Variants in NRG3 observed in about 807,000 individuals in gnomAD.
NRG3 encodes pro-neuregulin-3, membrane-bound isoform.
A neutral mutation model predicts 66.9 loss-of-function variants in NRG3; 31 were observed. The observed-to-expected ratio is 0.46, with a 90% CI of 0.35 to 0.63. The LOEUF (loss-of-function observed/expected upper bound fraction) is 0.63. Among genes scored for constraint, NRG3 ranks in the 20% least tolerant of loss-of-function variants. The probability of loss-of-function intolerance (pLI) is 0.00; values close to 1 mark genes in which losing one functional copy is unlikely to be tolerated. For synonymous variants in NRG3, 393 were observed against 359.4 expected, an observed-to-expected ratio of 1.09 and a Z score of -1.06; for missense variants, 910 against 878.9, an observed-to-expected ratio of 1.04 and a Z score of -0.45.
intron 3 of NRG3, among the ~76,000 whole-genome samples, chr10:82,827,491 C>T (rs1225018756): frequency 6.6e-6 from 1 of 151,980 alleles, no homozygotes; most frequent in Admixed American, 6.6e-5. Context: ...AGGAATAGCC[C>T]CAGGGAGAGG....
At chr10:82,517,612 T>A (rs1845781737) in intron 2 of NRG3, among the ~76,000 whole-genome samples, 1 of 126,246 alleles carries the variant, frequency 7.9e-6, no homozygotes, top group Non-Finnish European at 1.6e-5. Context: ...TCCTTGTCTC[T>A]CTCTCTCTCT....
intron 1 of NRG3, among the ~76,000 whole-genome samples, chr10:82,320,644 A>C (rs1489082245): frequency 6.6e-6 from 1 of 152,150 alleles, no homozygotes; most frequent in Non-Finnish European, 1.5e-5. Flanking sequence ...GGGTATGTAC[A>C]CTAGCCAGAA....
At chr10:82,895,486 C>CTTT (rs57655284) in intron 4 of NRG3, among the ~76,000 whole-genome samples, 24,244 of 128,090 alleles carry the variant, frequency 0.19, 3,205 homozygotes, top group East Asian at 0.49. Flanking sequence ...CAATAACATT[C>CTTT]TTTTTTTTTT....
rs1853426935 is a variant in NRG3, at chr10:82,986,268, A to G, written c.*663A>G. The G allele has an allele frequency of 6.6e-6, 1 of 152,184 alleles. No individual in the cohort carries two copies. Among genetic ancestry groups the G allele is most frequent in the Non-Finnish European group, 1.5e-5 (1 of 68,048 alleles). The allele number at this position is 152,184 out of a possible 1,614,324, so 9.4% of individuals were successfully genotyped here. A position where few individuals can be genotyped will look rare whatever the true frequency, so the allele number is the denominator to read the frequency against. ...AATTATTACAGAAAAAGAGACAAAA[A>G]AATCCTTATATCGTGTCACTAAAAT... On this transcript the variant is annotated 3_prime_UTR_variant, in exon 9 of 9. Transcript: ENST00000372141.
chr10:82,553,330 C>A (rs781571405), intron 2 of NRG3, among the ~76,000 whole-genome samples: 3 of 151,836 alleles, frequency 2.0e-5, no homozygotes, highest in Non-Finnish European at 4.4e-5. Context: ...GAGAACCGCA[C>A]CCCCCACACA....
At chr10:81,909,186 T>C (rs1202301129) in intron 1 of NRG3, among the ~76,000 whole-genome samples, 2 of 152,242 alleles carry the variant, frequency 1.3e-5, no homozygotes, top group Non-Finnish European at 1.5e-5. Context: ...CACCTCCTTC[T>C]TCACATAGTC....
chr10:82,814,953 C>T (rs1440356466), intron 3 of NRG3, among the ~76,000 whole-genome samples: 1 of 152,168 alleles, frequency 6.6e-6, no homozygotes, highest in African/African-American at 2.4e-5. Context: ...TTTGCATAGA[C>T]TTCTAGAGAT....
At chr10:82,138,176 G>T (rs2069504336) in intron 1 of NRG3, among the ~76,000 whole-genome samples, 1 of 151,914 alleles carries the variant, frequency 6.6e-6, no homozygotes, top group Admixed American at 6.6e-5. Context: ...ATGTGTATAT[G>T]TGTGTGTGTG....
chr10:82,367,980 G>A (rs1317945522), intron 2 of NRG3, among the ~76,000 whole-genome samples: 2 of 152,130 alleles, frequency 1.3e-5, no homozygotes, highest in African/African-American at 2.4e-5. Context: ...TCCAGCCTAG[G>A]TGACAGAGTG....
chr10:82,233,387 A>G (rs2076594459), intron 1 of NRG3, among the ~76,000 whole-genome samples: 1 of 152,146 alleles, frequency 6.6e-6, no homozygotes, highest in African/African-American at 2.4e-5. Context: ...AAACAAAACA[A>G]AAAAAGAATT....
At chr10:82,405,906 A>G (rs2087483176) in intron 2 of NRG3, among the ~76,000 whole-genome samples, 1 of 152,190 alleles carries the variant, frequency 6.6e-6, no homozygotes, top group African/African-American at 2.4e-5. Context: ...GATTTGCTTG[A>G]ATCATTTTTT....
At chr10:82,785,157 G>C (rs1349122292) in intron 3 of NRG3, among the ~76,000 whole-genome samples, 1 of 150,556 alleles carries the variant, frequency 6.6e-6, no homozygotes, top group Non-Finnish European at 1.5e-5. Flanking sequence ...TGAACAATGA[G>C]AGCACATGGA....
At chr10:81,961,653 G>C (rs1477819624) in intron 1 of NRG3, among the ~76,000 whole-genome samples, 1 of 152,224 alleles carries the variant, frequency 6.6e-6, no homozygotes, top group African/African-American at 2.4e-5. Flanking sequence ...CAGGATGCAG[G>C]AGACAATTGG....
intron 2 of NRG3, among the ~76,000 whole-genome samples, chr10:82,409,904 G>T (rs1002243805): frequency 5.9e-5 from 9 of 152,098 alleles, no homozygotes; most frequent in African/African-American, 2.2e-4. Flanking sequence ...TCTACATGTG[G>T]CTTTGTCAGC....
intron 2 of NRG3, among the ~76,000 whole-genome samples, chr10:82,488,662 G>T (rs938835668): frequency 1.2e-4 from 19 of 152,250 alleles, no homozygotes; most frequent in African/African-American, 4.3e-4. Context: ...GCCCTCAAAG[G>T]GGAAGCTGCC....
intron 2 of NRG3, among the ~76,000 whole-genome samples, chr10:82,505,442 C>T (rs1378172190): frequency 6.6e-6 from 1 of 152,176 alleles, no homozygotes; most frequent in Non-Finnish European, 1.5e-5. Flanking sequence ...CTGTACATGC[C>T]AGTGGACTGT....
chr10:82,961,196 C>A (rs888436040), intron 6 of NRG3, among the ~76,000 whole-genome samples: 2 of 151,994 alleles, frequency 1.3e-5, no homozygotes, highest in South Asian at 2.1e-4. Context: ...TAGGTATAAA[C>A]GTAATAAGGT....
At chr10:82,800,947 G>C (rs1282276416) in intron 3 of NRG3, among the ~76,000 whole-genome samples, 2 of 152,166 alleles carry the variant, frequency 1.3e-5, no homozygotes. Flanking sequence ...CCTAATTAAG[G>C]GGAAGAGATC....
At chr10:81,883,760 G>T (rs888296923) in intron 1 of NRG3, among the ~76,000 whole-genome samples, 2 of 152,104 alleles carry the variant, frequency 1.3e-5, no homozygotes, top group African/African-American at 4.8e-5. Flanking sequence ...CCTGTGAATT[G>T]CCAGGGAGCT....
Sources: gnomAD v4.1 joint callset for allele counts (sites outside exome capture counted in the v4.1 genomes callset) on GRCh38, gnomAD v4.1.1 for gene constraint, MANE v1.5 for transcripts, NCBI Gene and HGNC (gene_info 2026-07-23, HGNC 2026-07-21) for gene names.